The following MYO9A variants were observed in gnomAD, a reference collection of about 807,000 sequenced individuals.
MYO9A encodes the protein unconventional myosin-IXa.
A neutral mutation model predicts 293.3 loss-of-function variants in MYO9A; 103 were observed. The ratio of observed to expected loss-of-function variants is 0.35; its 90% CI spans 0.30 to 0.41. The LOEUF is 0.41. Among genes scored for constraint, MYO9A ranks in the 10% least tolerant of loss-of-function variants. The pLI is 1.00. For missense variants in MYO9A, 2,685 were observed against 3,033.0 expected (o/e 0.89, Z 2.69); for synonymous variants, 1,001 against 1,035.7 (o/e 0.97, Z 0.64).
At chr15:71,970,732 CATTA>C (rs2075987244) in intron 12 of MYO9A, among the ~76,000 whole-genome samples, 1 of 152,166 alleles carries the variant, frequency 6.6e-6, no homozygotes, top group Non-Finnish European at 1.5e-5. Context: ...TAGGAAATTA[CATTA>C]ATTGTTAAAG....
chr15:71,861,457 T>C (rs2056118759), intron 33 of MYO9A, among the ~76,000 whole-genome samples: 1 of 147,974 alleles, frequency 6.8e-6, no homozygotes, highest in South Asian at 2.1e-4. Context: ...TATATTTATA[T>C]GTAAAATAAT....
intron 39 of MYO9A, among the ~76,000 whole-genome samples, chr15:71,846,619 A>G (rs1051596295): frequency 6.6e-6 from 1 of 152,234 alleles, no homozygotes. Flanking sequence ...GAAGTTTGAC[A>G]GGCTGGAGTT....
At chr15:71,829,037 A>G (rs2140506770) in intron 40 of MYO9A, among the ~76,000 whole-genome samples, 1 of 152,318 alleles carries the variant, frequency 6.6e-6, no homozygotes, top group African/African-American at 2.4e-5. Flanking sequence ...GTCTGAGGCC[A>G]TGTGCATTCT....
At chr15:72,092,963 C>T (rs1287706731) in intron 1 of MYO9A, among the ~76,000 whole-genome samples, 1 of 151,538 alleles carries the variant, frequency 6.6e-6, no homozygotes, top group East Asian at 1.9e-4. Flanking sequence ...GGCTCTAATT[C>T]CCATCACCTA....
intron 11 of MYO9A, among the ~76,000 whole-genome samples, chr15:71,980,110 C>T (rs2076236257): frequency 6.6e-6 from 1 of 152,100 alleles, no homozygotes; most frequent in South Asian, 2.1e-4. Flanking sequence ...CCTCCCACAA[C>T]ACTGGGATTA....
At chr15:71,949,413 GTTTT>G (rs1019394438) in intron 15 of MYO9A, among the ~76,000 whole-genome samples, 3 of 148,124 alleles carry the variant, frequency 2.0e-5, no homozygotes, top group African/African-American at 5.0e-5. Context: ...TATGCTGGGT[GTTTT>G]TTTGTTTTTT....
chr15:71,956,328 A>ATATAT (rs1555490908), intron 14 of MYO9A, among the ~76,000 whole-genome samples: 2,466 of 14,336 alleles, frequency 0.17, 37 homozygotes, highest in Admixed American at 0.27. Flanking sequence ...AAAAAAAAAA[A>ATATAT]AAATATATAT....
chr15:72,003,035 C>T (rs547017977), intron 8 of MYO9A, among the ~76,000 whole-genome samples: 4 of 152,004 alleles, frequency 2.6e-5, no homozygotes, highest in Non-Finnish European at 4.4e-5. Flanking sequence ...TTTGGGAGAC[C>T]GAGGCGGGAG....
intron 1 of MYO9A, among the ~76,000 whole-genome samples, chr15:72,098,600 A>G (rs2080144170): frequency 6.6e-6 from 1 of 152,104 alleles, no homozygotes; most frequent in Non-Finnish European, 1.5e-5. Context: ...GTATAATAGG[A>G]AAAAAAATTA....
rs548769405 is a variant in MYO9A, at chr15:72,103,662, A to C, written c.-72+14018T>G. 1.5e-4 allele frequency among the ~76,000 whole-genome samples: 23 copies of C among 152,196 alleles called. 1 individual carries two copies. Among genetic ancestry groups the C allele is most frequent in the Middle Eastern group, 3.4e-3 (1 of 294 alleles). ...ACAGAAGAAGCAGAAGTAACAGAAGAAGCAGCAGCAGAAGCAGAAGAATTT... is the reference window on the plus strand; with the variant it reads ...ACAGAAGAAGCAGAAGTAACAGAAGCAGCAGCAGCAGAAGCAGAAGAATTT... On this transcript the variant is annotated intron_variant, in intron 1 of 41. Transcript: ENST00000356056.
At chr15:71,922,302 A>G (rs1478500687) in intron 18 of MYO9A, among the ~76,000 whole-genome samples, 1 of 152,184 alleles carries the variant, frequency 6.6e-6, no homozygotes, top group Non-Finnish European at 1.5e-5. Context: ...AATCTACTTT[A>G]GGTCACTGTA....
At chr15:72,076,789 A>G (rs545399502) in intron 1 of MYO9A, among the ~76,000 whole-genome samples, 1 of 152,318 alleles carries the variant, frequency 6.6e-6, no homozygotes, top group Non-Finnish European at 1.5e-5. Context: ...AGCCAATACA[A>G]TATTGAAGGA....
chr15:71,951,654 G>A, intron 15 of MYO9A, 123 bp downstream of exon 15: 1 of 1,070,046 alleles, frequency 9.3e-7, no homozygotes, highest in Non-Finnish European at 1.4e-6. Flanking sequence ...TTCAAAGACT[G>A]CTCAGAGGTT....
intron 22 of MYO9A, among the ~76,000 whole-genome samples, chr15:71,901,544 A>G (rs2057484359): frequency 6.6e-6 from 1 of 152,118 alleles, no homozygotes; most frequent in Non-Finnish European, 1.5e-5. Context: ...ACGGAAGGTG[A>G]GCTGGGTGTG....
intron 1 of MYO9A, among the ~76,000 whole-genome samples, chr15:72,086,120 G>A (rs1270421166): frequency 6.6e-6 from 1 of 152,192 alleles, no homozygotes; most frequent in Non-Finnish European, 1.5e-5. Flanking sequence ...ATTCCCATGT[G>A]CCAGTGGCAG....
At chr15:71,879,639 G>A (rs2056811676) in intron 30 of MYO9A, 82 bp downstream of exon 30, 2 of 968,332 alleles carry the variant, frequency 2.1e-6, no homozygotes, top group Non-Finnish European at 3.1e-6. Context: ...TACGAAACAT[G>A]GCTTTTGTAT....
intron 4 of MYO9A, among the ~76,000 whole-genome samples, chr15:72,026,736 C>G (rs1245724593): frequency 6.6e-6 from 1 of 151,982 alleles, no homozygotes; most frequent in Non-Finnish European, 1.5e-5. Context: ...CAGAGAGAAT[C>G]AAATTCAGGA....
intron 1 of MYO9A, among the ~76,000 whole-genome samples, chr15:72,106,664 A>T (rs1324647375): frequency 6.6e-6 from 1 of 152,086 alleles, no homozygotes; most frequent in East Asian, 1.9e-4. Context: ...GCAGCAGCGC[A>T]ATCACAGGTC....
chr15:71,974,581 ACTG>A (rs2076091200), intron 12 of MYO9A, among the ~76,000 whole-genome samples: 1 of 152,222 alleles, frequency 6.6e-6, no homozygotes, highest in African/African-American at 2.4e-5. Flanking sequence ...AAGGGCTGCA[ACTG>A]CAAGTGCTGG....
Sources: allele counts gnomAD v4.1 joint callset (sites outside exome capture counted in the v4.1 genomes callset), GRCh38; gene constraint gnomAD v4.1.1; transcripts MANE v1.5; gene names NCBI Gene and HGNC (gene_info 2026-07-23, HGNC 2026-07-21).